The following EHD2 variants were observed in gnomAD, a reference collection of about 807,000 sequenced individuals.
EHD2 encodes EH domain-containing protein 2.
In EHD2, 27 loss-of-function variants were observed where a neutral mutation model predicts 41.0. The ratio of observed to expected loss-of-function variants is 0.66; its 90% CI spans 0.49 to 0.91. EHD2 has a LOEUF of 0.91. Ranked by LOEUF, EHD2 falls within the 40% of genes least tolerant of loss-of-function variation. EHD2 has a pLI of 0.00. For missense variants in EHD2, 673 were observed against 773.9 expected, an observed-to-expected ratio of 0.87 and a Z score of 1.55; for synonymous variants, 342 against 341.0, an observed-to-expected ratio of 1.00 and a Z score of -0.03.
At chr19:47,724,294 A>AT (rs750437286) in intron 3 of EHD2, among the ~76,000 whole-genome samples, 1 of 151,810 alleles carries the variant, frequency 6.6e-6, no homozygotes, top group Admixed American at 6.6e-5. Context: ...CCTGGCCTCA[A>AT]TTGATCTGCC....
intron 4 of EHD2, among the ~76,000 whole-genome samples, chr19:47,733,775 A>AAAAACAAAAAAAAAAAAC (rs60875915): frequency 7.0e-6 from 1 of 142,182 alleles, no homozygotes. Flanking sequence ...AAAAAAAAAA[A>AAAAACAAAAAAAAAAAAC]TCCACTGTCC....
chr19:47,716,997 G>T lies in EHD2; in HGVS notation c.385G>T (p.Gly129Ter). The T allele has an allele frequency of 6.2e-7, 1 of 1,600,902 alleles. No homozygotes were observed. ...GCCCTTCCGCAAACTCAACCCTTTC[G>T]GAAACACCTTCCTCAACAGGTGTGC... ...DKPFRKLNPF[G>*]NTFLNRFMCA... The change falls in exon 2 of 6, where the codon GGA (glycine) becomes TGA (stop). Residue 129 changes from glycine to a stop codon, truncating the protein, a stop_gained. Transcript: ENST00000263277. LOFTEE classifies it high-confidence loss of function.
At chr19:47,721,710 C>T (rs776176837) in intron 3 of EHD2, among the ~76,000 whole-genome samples, 2 of 151,906 alleles carry the variant, frequency 1.3e-5, no homozygotes, top group South Asian at 2.1e-4. Context: ...ATGGGCTGGG[C>T]GCAGTGGTTC....
At chr19:47,716,367 G>A (rs943766437) in intron 1 of EHD2, among the ~76,000 whole-genome samples, 191 bp from the exon 2 acceptor site, 2 of 151,874 alleles carry the variant, frequency 1.3e-5, no homozygotes, top group African/African-American at 2.4e-5. Context: ...GTGAGCCATC[G>A]CGCCTGGCCC....
rs1424865629 is a variant in EHD2 at position 47,731,277 on chromosome 19, A to ATATAT, written c.915+5053_915+5054insTATAT. 61 of 26,946 alleles carry ATATAT rather than the reference A, an allele frequency of 2.3e-3. 2 individuals carry two copies. The highest frequency in any genetic ancestry group is 5.2e-3 in the African/African-American group (58 of 11,246). The allele number at this position is 26,946 out of a possible 1,614,324, so 1.7% of individuals were successfully genotyped here. A position where few individuals can be genotyped will look rare whatever the true frequency, so the allele number is the denominator to read the frequency against. On this transcript the variant is annotated intron_variant, in intron 4 of 5. Transcript: ENST00000263277. ...AAATTTGTGATTCTTTAAAAAAAAAAAAATATATATATATATATATATATA... is the reference window on the plus strand; with the variant it reads ...AAATTTGTGATTCTTTAAAAAAAAAATATATAAATATATATATATATATATATATA...
Position 47,722,009 on chromosome 19 carries a change from AACACACACACACACACACACAC to A in EHD2, c.502+3430_502+3451del, listed in dbSNP as rs201572396. ...CAAAAATAAACAAACAGAAAAACAA[AACACACACACACACACACACAC>A]ACACACACACACACACACACACACA... On this transcript the variant is annotated intron_variant, in intron 3 of 5. Transcript: ENST00000263277. Among the ~76,000 whole-genome samples, 42 of 130,738 alleles carry A rather than the reference AACACACACACACACACACACAC, an allele frequency of 3.2e-4. 1 individual carries two copies. In the South Asian group the frequency reaches 6.3e-3, roughly 20 times the overall value. 85.8% of individuals were successfully genotyped at this position (130,738 alleles called of 152,430 possible).
At chr19:47,731,314 A>ATATACATATATATATAT (rs1160770476) in intron 4 of EHD2, 15 of 113,950 alleles carry the variant, frequency 1.3e-4, no homozygotes, top group South Asian at 2.9e-4. Context: ...ATATATATAT[A>ATATACATATATATATAT]ATTTTTTTTT....
At chr19:47,736,010 G>A (rs1429003470) in intron 4 of EHD2, among the ~76,000 whole-genome samples, 4 of 151,948 alleles carry the variant, frequency 2.6e-5, no homozygotes, top group South Asian at 2.1e-4. Context: ...AGCCTGACCA[G>A]CATGGTGAAA....
At chr19:47,720,385 G>A (rs1973682694) in intron 3 of EHD2, among the ~76,000 whole-genome samples, 2 of 151,950 alleles carry the variant, frequency 1.3e-5, no homozygotes, top group Admixed American at 1.3e-4. Flanking sequence ...TGGCCAGGCT[G>A]GTCTCGAACT....
chr19:47,717,045 C>CTTTCTT, intron 2 of EHD2, 29 bp downstream of exon 2: 1 of 1,597,932 alleles, frequency 6.3e-7, no homozygotes, highest in Non-Finnish European at 8.5e-7. Flanking sequence ...CAGGGCGCAT[C>CTTTCTT]TTTCTTTTTC....
chr19:47,726,343 G>A (rs898513235), intron 4 of EHD2, 119 bp downstream of exon 4: 2 of 1,253,966 alleles, frequency 1.6e-6, no homozygotes, highest in East Asian at 2.6e-5. Flanking sequence ...CTTGAAGTTG[G>A]GTCATTCTGG....
Position 47,716,826 on chromosome 19 carries a change from A to G in EHD2, c.214A>G (p.Thr72Ala). ...GGCCGGCCAGTACAGCACGGGCAAG[A>G]CCAGCTTCATCCAGTACCTGCTGGA... ...LVAGQYSTGK[T>A]SFIQYLLEQE... Residue 72 changes from threonine (T) to alanine (A), a missense_variant, in exon 2 of 6, where the codon ACC (threonine) becomes GCC (alanine). Physicochemically the swap from Thr to Ala is moderately conservative, Grantham distance 58. Coordinates refer to ENST00000263277, the MANE Select transcript of EHD2 (RefSeq NM_014601.4). 1.9e-6 allele frequency: 3 copies of G among 1,609,842 alleles called. No individual in the cohort carries two copies. Among genetic ancestry groups the G allele is most frequent in the Non-Finnish European group, 2.5e-6 (3 of 1,177,892 alleles).
At position 47,719,799 on chromosome 19, in the gene EHD2, G is replaced by A. The variant is rs1973675534; in HGVS notation, c.502+1193G>A. Among the ~76,000 whole-genome samples the A allele has an allele frequency of 2.0e-5, 3 of 152,082 alleles. No homozygotes were observed. The highest frequency in any genetic ancestry group is 1.3e-4 in the Admixed American group (2 of 15,274). Reference sequence around the variant, plus strand: ...CCAGGGCCTGGACCTGGGACAGCGGGAGGGAGAGGCTCTCTCAGCCAGGGC... The same window carrying A: ...CCAGGGCCTGGACCTGGGACAGCGGAAGGGAGAGGCTCTCTCAGCCAGGGC... On this transcript the variant is annotated intron_variant, in intron 3 of 5. Coordinates refer to ENST00000263277, the MANE Select transcript of EHD2 (RefSeq NM_014601.4). This position sits in a 1 kb window ranked among gnomAD's most constrained non-coding sequence, Gnocchi z 4.1.
At chr19:47,733,143 G>A (rs1483602829) in intron 4 of EHD2, 1 of 151,878 alleles carries the variant, frequency 6.6e-6, no homozygotes, top group East Asian at 1.9e-4. Flanking sequence ...CAAGTTCATT[G>A]GTTTATTCCA....
intron 4 of EHD2, chr19:47,731,279 A>AAATT: frequency 1.6e-5 from 1 of 60,934 alleles, no homozygotes; most frequent in African/African-American, 4.9e-5. Flanking sequence ...AAAAAAAAAA[A>AAATT]ATATATATAT....
intron 4 of EHD2, among the ~76,000 whole-genome samples, chr19:47,734,774 C>T (rs1179570365): frequency 3.3e-5 from 5 of 149,706 alleles, no homozygotes; most frequent in South Asian, 2.1e-4. Context: ...TTTCTAGAGC[C>T]GGACGGGGTG....
At chr19:47,723,693 T>A (rs1468639845) in intron 3 of EHD2, among the ~76,000 whole-genome samples, 1 of 146,158 alleles carries the variant, frequency 6.8e-6, no homozygotes, top group Non-Finnish European at 1.5e-5. Context: ...TTTTTTTTTT[T>A]AAAGAGACAA....
intron 5 of EHD2, 125 bp downstream of exon 5, chr19:47,736,658 A>C (rs577083796): frequency 9.3e-7 from 1 of 1,074,250 alleles, no homozygotes; most frequent in African/African-American, 1.6e-5. Context: ...GCCTCCCTCA[A>C]ATAGTTCCGT....
chr19:47,733,947 C>T (rs549945385), intron 4 of EHD2, among the ~76,000 whole-genome samples: 3 of 152,162 alleles, frequency 2.0e-5, no homozygotes, highest in Non-Finnish European at 2.9e-5. Flanking sequence ...TTGTCGGCTT[C>T]GGTAGAAATT....
Sources: gnomAD v4.1 joint callset for allele counts (sites outside exome capture counted in the v4.1 genomes callset) on GRCh38, gnomAD v4.1.1 for gene constraint, Gnocchi (gnomAD v3.1) non-coding constraint, MANE v1.5 for transcripts, NCBI Gene and HGNC (gene_info 2026-07-23, HGNC 2026-07-21) for gene names.